Variants in BCKDHB observed in about 807,000 individuals in gnomAD.
The protein encoded by BCKDHB is branched chain keto acid dehydrogenase E1 subunit beta, also known as 2-oxoisovalerate dehydrogenase subunit beta, mitochondrial.
In BCKDHB, 41 loss-of-function variants were observed where a neutral mutation model predicts 48.5. The observed-to-expected ratio is 0.85, with a 90% CI of 0.66 to 1.10. The LOEUF is 1.10. Among genes scored for constraint, BCKDHB ranks in the 50% least tolerant of loss-of-function variants. The pLI, the probability that BCKDHB is intolerant of heterozygous loss-of-function variation, is 0.00. For synonymous variants in BCKDHB, 201 were observed against 174.8 expected (o/e 1.15, Z -1.18); for missense variants, 496 against 494.2 (o/e 1.00, Z -0.03).
chr6:80,107,108 G>T (rs1253218853), intron 1 of BCKDHB, among the ~76,000 whole-genome samples: 2 of 151,456 alleles, frequency 1.3e-5, no homozygotes, highest in African/African-American at 4.9e-5. Context: ...CCCCTCCCCC[G>T]CAACTTTGAG....
chr6:80,379,246 C>T, the BCKDHB span, among the ~76,000 whole-genome samples: 2 of 151,984 alleles, frequency 1.3e-5, no homozygotes, highest in Non-Finnish European at 2.9e-5. Flanking sequence ...ATCAAAATCA[C>T]ATGGGCTTTA....
intron 1 of BCKDHB, among the ~76,000 whole-genome samples, chr6:80,113,663 T>C (rs1289946164): frequency 6.6e-6 from 1 of 152,154 alleles, no homozygotes; most frequent in East Asian, 1.9e-4. Context: ...GTGGAGGATG[T>C]CCAGGTTCTT....
the BCKDHB span, among the ~76,000 whole-genome samples, chr6:80,361,151 C>T: frequency 6.6e-6 from 1 of 152,210 alleles, no homozygotes; most frequent in Non-Finnish European, 1.5e-5. Flanking sequence ...TCTTTTCTCT[C>T]TGCTGACTGC....
chr6:80,136,471 A>G (rs148101007), intron 3 of BCKDHB, among the ~76,000 whole-genome samples: 1 of 152,310 alleles, frequency 6.6e-6, no homozygotes, highest in African/African-American at 2.4e-5. Flanking sequence ...CTCAAAATAG[A>G]TCACAGACTT....
chr6:80,417,752 A>G, the BCKDHB span, among the ~76,000 whole-genome samples: 1 of 149,470 alleles, frequency 6.7e-6, no homozygotes, highest in Non-Finnish European at 1.5e-5. Flanking sequence ...ATTTCTCTCT[A>G]GTTGCCTTTA....
the BCKDHB span, among the ~76,000 whole-genome samples, chr6:80,441,691 C>G: frequency 1.3e-5 from 2 of 152,102 alleles, no homozygotes; most frequent in Non-Finnish European, 2.9e-5. Context: ...CCCATTAATT[C>G]ATTGAAATTG....
chr6:80,131,291 A>C (rs193115935), intron 3 of BCKDHB, among the ~76,000 whole-genome samples: 61 of 152,278 alleles, frequency 4.0e-4, no homozygotes, highest in Middle Eastern at 6.8e-3. Flanking sequence ...TCCACACCTA[A>C]GGCTGCTACA....
chr6:80,116,020 T>C lies in BCKDHB; in HGVS notation c.196+9131T>C, dbSNP rs1178250417. ...CACAACCTTCACTTTCTGCAAGTAG[T>C]CCCTAATTTTCTGTATCATAGCTGT... On this transcript the variant is annotated intron_variant, in intron 1 of 9. Transcript: ENST00000320393. Among the ~76,000 whole-genome samples, 7 of 152,192 alleles carry C rather than the reference T, an allele frequency of 4.6e-5. No individual in the cohort carries two copies. In the South Asian group the frequency reaches 1.0e-3, roughly 23 times the overall value.
At chr6:80,266,015 A>G (rs1171096675) in intron 8 of BCKDHB, among the ~76,000 whole-genome samples, 1 of 152,060 alleles carries the variant, frequency 6.6e-6, no homozygotes, top group Non-Finnish European at 1.5e-5. Context: ...TGCCAACTCC[A>G]AAGAAAAATC....
intron 8 of BCKDHB, among the ~76,000 whole-genome samples, chr6:80,225,634 G>A (rs1250288034): frequency 2.0e-5 from 3 of 152,102 alleles, no homozygotes; most frequent in African/African-American, 7.2e-5. Context: ...ATCTGTGAAA[G>A]ATTGCATCCC....
the BCKDHB span, among the ~76,000 whole-genome samples, chr6:80,382,373 T>C: frequency 2.6e-5 from 4 of 152,204 alleles, no homozygotes; most frequent in African/African-American, 9.6e-5. Context: ...GAGCCTATGA[T>C]TCTAATTGTA....
At chr6:80,230,400 G>GTT (rs1775876922) in intron 8 of BCKDHB, among the ~76,000 whole-genome samples, 1 of 151,866 alleles carries the variant, frequency 6.6e-6, no homozygotes, top group South Asian at 2.1e-4. Context: ...GCCCCAAATA[G>GTT]CCAAGAAAAA....
chr6:80,265,421 CATT>C (rs1777472282), intron 8 of BCKDHB, among the ~76,000 whole-genome samples: 1 of 152,022 alleles, frequency 6.6e-6, no homozygotes. Context: ...ACCTTGAAAA[CATT>C]ATGCAACGTG....
the BCKDHB span, among the ~76,000 whole-genome samples, chr6:80,367,994 G>A: frequency 1.3e-5 from 2 of 152,314 alleles, no homozygotes; most frequent in African/African-American, 2.4e-5. Flanking sequence ...TGAGAGTGAC[G>A]CTGTGTGAGA....
intron 6 of BCKDHB, among the ~76,000 whole-genome samples, chr6:80,186,093 C>T (rs1031643098): frequency 6.6e-6 from 1 of 152,210 alleles, no homozygotes; most frequent in South Asian, 2.1e-4. Flanking sequence ...AAGGGGGATA[C>T]AAGTTTGTTC....
chr6:80,290,959 G>A (rs1323212096), intron 9 of BCKDHB, among the ~76,000 whole-genome samples: 1 of 152,184 alleles, frequency 6.6e-6, no homozygotes, highest in Non-Finnish European at 1.5e-5. Context: ...GTAGCAGTCA[G>A]GATGACCTGA....
intron 9 of BCKDHB, among the ~76,000 whole-genome samples, chr6:80,297,337 T>C (rs1767308281): frequency 6.6e-6 from 1 of 152,198 alleles, no homozygotes; most frequent in African/African-American, 2.4e-5. Flanking sequence ...TTCCAAAAGA[T>C]TACTAAAGTC....
chr6:80,241,492 C>T (rs1239096352), intron 8 of BCKDHB, among the ~76,000 whole-genome samples: 1 of 152,104 alleles, frequency 6.6e-6, no homozygotes, highest in East Asian at 1.9e-4. Context: ...TGTTGGTTTT[C>T]CTTCTAACAG....
rs149198902 is a variant in BCKDHB at position 80,108,053 on chromosome 6, G to A, written c.196+1164G>A. 2.3e-4 allele frequency among the ~76,000 whole-genome samples: 35 copies of A among 152,114 alleles called. No homozygotes were observed. The East Asian group carries it at 6.8e-3, about 29-fold the overall frequency. ...TGTATGTTTCATCATCTCATTTAAG[G>A]GTTAGGACAACCTTAAAAGGTTAGT... On this transcript the variant is annotated intron_variant, in intron 1 of 9. Coordinates refer to ENST00000320393, the MANE Select transcript of BCKDHB (RefSeq NM_183050.4).
Sources: allele counts gnomAD v4.1 joint callset (sites outside exome capture counted in the v4.1 genomes callset), GRCh38; gene constraint gnomAD v4.1.1; transcripts MANE v1.5; gene names NCBI Gene and HGNC (gene_info 2026-07-23, HGNC 2026-07-21).